NUP98: variants seen among roughly 807,000 people sequenced by gnomAD.
The protein encoded by NUP98 is nuclear pore complex protein Nup98-Nup96.
A neutral mutation model predicts 191.9 loss-of-function variants in NUP98; 26 were observed. The observed-to-expected ratio is 0.14, with a 90% confidence interval of 0.10 to 0.19. NUP98 has a LOEUF of 0.19. NUP98 is among the 10% of genes least tolerant of loss of function. NUP98 has a pLI of 1.00. For missense variants in NUP98, 1,941 were observed against 2,178.8 expected, an observed-to-expected ratio of 0.89 and a Z score of 2.17; for synonymous variants, 808 against 778.4, an observed-to-expected ratio of 1.04 and a Z score of -0.63.
At chr11:3,696,117 T>C (rs973230363) in intron 25 of NUP98, among the ~76,000 whole-genome samples, 1 of 151,948 alleles carries the variant, frequency 6.6e-6, no homozygotes, top group Non-Finnish European at 1.5e-5. Context: ...CTTGAACCCA[T>C]GAGTTGGAGG....
At chr11:3,718,257 C>A (rs975355788) in intron 18 of NUP98, among the ~76,000 whole-genome samples, 2 of 151,940 alleles carry the variant, frequency 1.3e-5, no homozygotes, top group Admixed American at 1.3e-4. Flanking sequence ...AATTATTGGC[C>A]CGGCACAGTG....
At chr11:3,781,902 T>C (rs1025375304) in intron 2 of NUP98, 140 bp downstream of exon 2, 5 of 523,862 alleles carry the variant, frequency 9.5e-6, no homozygotes, top group African/African-American at 7.8e-5. Flanking sequence ...AGAGATCTTA[T>C]CCTAATTATT....
At chr11:3,739,978 G>T (rs943011404) in intron 12 of NUP98, among the ~76,000 whole-genome samples, 1 of 152,052 alleles carries the variant, frequency 6.6e-6, no homozygotes, top group Non-Finnish European at 1.5e-5. Flanking sequence ...AATATAGTAC[G>T]TACTACATAT....
intron 20 of NUP98, chr11:3,711,780 A>C: frequency 1.2e-5 from 10 of 840,456 alleles, no homozygotes; most frequent in Non-Finnish European, 1.3e-5. Context: ...CACATTTATC[A>C]TACCCTCCCC....
At chr11:3,794,082 G>C (rs1365005308) in intron 1 of NUP98, among the ~76,000 whole-genome samples, 3 of 152,190 alleles carry the variant, frequency 2.0e-5, no homozygotes, top group Non-Finnish European at 4.4e-5. Context: ...ACAACCTGCA[G>C]AGGATGTGTT....
At chr11:3,713,168 G>GT (rs376808852) in intron 19 of NUP98, among the ~76,000 whole-genome samples, 8 of 152,264 alleles carry the variant, frequency 5.3e-5, no homozygotes, top group African/African-American at 1.9e-4. Flanking sequence ...ATCTTTAAAA[G>GT]TAAGAATGAC....
rs532522462 is a variant in NUP98, at chr11:3,740,822, A to T, written c.1408+3687T>A. On this transcript the variant is annotated intron_variant, in intron 12 of 32. Coordinates refer to ENST00000324932, the MANE Select transcript of NUP98 (RefSeq NM_016320.5). ...CTTTTAAATATAAATATATATATAT[A>T]TATTTTTTTTTTTGGAGACAGAGTC... 7.2e-3 allele frequency among the ~76,000 whole-genome samples: 1,062 copies of T among 148,366 alleles called. 6 individuals are homozygous for T. The highest frequency in any genetic ancestry group is 0.014 in the Middle Eastern group (4 of 284).
intron 1 of NUP98, among the ~76,000 whole-genome samples, chr11:3,786,502 A>G (rs1188112384): frequency 6.6e-6 from 1 of 152,174 alleles, no homozygotes; most frequent in Non-Finnish European, 1.5e-5. Context: ...AAAATGAAAT[A>G]GTGTTATATA....
At chr11:3,773,602 G>C (rs1163723997) in intron 6 of NUP98, 30 bp downstream of exon 6, 12 of 1,327,508 alleles carry the variant, frequency 9.0e-6, no homozygotes, top group Non-Finnish European at 1.1e-5. Flanking sequence ...CAAAAGGTTA[G>C]ACTGACATTC....
Position 3,749,151 on chromosome 11 carries a change from A to G in NUP98, c.1267+4165T>C, listed in dbSNP as rs558525390. Among the ~76,000 whole-genome samples, 273 of 150,714 alleles carry G rather than the reference A, an allele frequency of 1.8e-3. 1 individual carries two copies. Among genetic ancestry groups the G allele is most frequent in the African/African-American group, 6.4e-3 (264 of 41,068 alleles). On this transcript the variant is annotated intron_variant, in intron 11 of 32. Transcript: ENST00000324932. ...GTGAAACCCCGTCTCTACTAAAAAT[A>G]CAAAAAATTAGCCGGGCGCGGTGGC...
At chr11:3,736,850 T>C (rs906894386) in intron 12 of NUP98, among the ~76,000 whole-genome samples, 1 of 152,174 alleles carries the variant, frequency 6.6e-6, no homozygotes, top group Non-Finnish European at 1.5e-5. Context: ...CTGAAGAAAA[T>C]GCTTAGGCTA....
intron 25 of NUP98, among the ~76,000 whole-genome samples, chr11:3,697,808 C>T (rs191624936): frequency 1.0e-3 from 106 of 105,970 alleles, no homozygotes; most frequent in Non-Finnish European, 1.6e-3. Context: ...AACACACAGA[C>T]AGACTCTGTC....
intron 5 of NUP98, among the ~76,000 whole-genome samples, chr11:3,775,334 A>G (rs567408508): frequency 1.3e-5 from 2 of 152,302 alleles, no homozygotes; most frequent in South Asian, 4.1e-4. Flanking sequence ...GTTCGAGACC[A>G]GCCTGGCCAC....
intron 1 of NUP98, among the ~76,000 whole-genome samples, chr11:3,785,587 C>T (rs960982052): frequency 2.0e-5 from 3 of 152,236 alleles, no homozygotes; most frequent in Admixed American, 1.3e-4. Flanking sequence ...GGCAAAACCC[C>T]GCCTCTACTA....
At chr11:3,707,760 A>G (rs1412227832) in intron 20 of NUP98, among the ~76,000 whole-genome samples, 5 of 150,316 alleles carry the variant, frequency 3.3e-5, no homozygotes, top group African/African-American at 7.3e-5. Flanking sequence ...AAAAATCCTG[A>G]AGGAGGAAAA....
At chr11:3,766,236 A>G (rs2081334596) in intron 8 of NUP98, among the ~76,000 whole-genome samples, 2 of 152,084 alleles carry the variant, frequency 1.3e-5, no homozygotes, top group Admixed American at 1.3e-4. Context: ...TTAGCTGGAC[A>G]TGGTGGTGCA....
intron 5 of NUP98, 43 bp from the exon 6 acceptor site, chr11:3,773,782 C>T: frequency 8.9e-7 from 1 of 1,124,222 alleles, no homozygotes; most frequent in South Asian, 1.3e-5. Context: ...CCAAGTTTTA[C>T]ATTCCTACTC....
intron 8 of NUP98, among the ~76,000 whole-genome samples, chr11:3,767,828 A>AC (rs1053970941): frequency 5.9e-5 from 9 of 151,980 alleles, no homozygotes; most frequent in African/African-American, 2.2e-4. Flanking sequence ...AAAAAAAAAA[A>AC]ACAAAAAAAC....
At chr11:3,727,023 A>C (rs554951131) in intron 14 of NUP98, among the ~76,000 whole-genome samples, 1 of 152,274 alleles carries the variant, frequency 6.6e-6, no homozygotes, top group East Asian at 1.9e-4. Context: ...TTGGTCTCTC[A>C]AAGTGCTGAG....
Sources: gnomAD v4.1 joint callset for allele counts (sites outside exome capture counted in the v4.1 genomes callset) on GRCh38, gnomAD v4.1.1 for gene constraint, MANE v1.5 for transcripts, NCBI Gene and HGNC (gene_info 2026-07-23, HGNC 2026-07-21) for gene names.